CADM3: variants seen among roughly 807,000 people sequenced by gnomAD.
CADM3 encodes TSLC1-like 1.
Under a neutral mutation model 44.9 loss-of-function variants are expected in CADM3, and 11 were observed. That is an observed-to-expected ratio of 0.25 (90% CI 0.15 to 0.41). CADM3 has a LOEUF of 0.41. Among genes scored for constraint, CADM3 ranks in the 10% least tolerant of loss-of-function variants. CADM3 has a pLI of 1.00. For missense variants in CADM3, 426 were observed against 512.0 expected, an observed-to-expected ratio of 0.83 and a Z score of 1.62; for synonymous variants, 207 against 205.2, an observed-to-expected ratio of 1.01 and a Z score of -0.08.
At chr1:159,199,975 G>A in intron 8 of CADM3, 99 bp downstream of exon 8, 1 of 1,444,526 alleles carries the variant, frequency 6.9e-7, no homozygotes, top group Non-Finnish European at 9.5e-7. Context: ...AGGGCCTTCA[G>A]AGACTTGTCA....
chr1:159,176,643 C>T (rs1188019658), intron 1 of CADM3, among the ~76,000 whole-genome samples: 1 of 152,150 alleles, frequency 6.6e-6, no homozygotes, highest in Non-Finnish European at 1.5e-5. Flanking sequence ...CCAATAACTA[C>T]CCAAGTAAAA....
intron 1 of CADM3, among the ~76,000 whole-genome samples, chr1:159,191,489 A>G (rs862989): frequency 0.33 from 49,762 of 152,088 alleles, 9,265 homozygotes; most frequent in East Asian, 0.5. Flanking sequence ...TAGTTTTAGG[A>G]TTATTAGTCA....
chr1:159,186,146 G>A (rs1169033699), intron 1 of CADM3, among the ~76,000 whole-genome samples: 1 of 152,176 alleles, frequency 6.6e-6, no homozygotes, highest in Non-Finnish European at 1.5e-5. Flanking sequence ...AACGGATGCA[G>A]AAAAACAAAG....
rs972220909 is a variant in CADM3, at chr1:159,199,658, C to T, written c.953-93C>T. On this transcript the variant is annotated intron_variant, in intron 7 of 8. Transcript: ENST00000368125. ...CATTTTCCTGATGTTAGTACCTGTTCCCTGCTGTGTAAGACTATTCATGGC... is the reference window on the plus strand; with the variant it reads ...CATTTTCCTGATGTTAGTACCTGTTTCCTGCTGTGTAAGACTATTCATGGC... The T allele has an allele frequency of 5.2e-6, 8 of 1,545,974 alleles. No individual in the cohort carries two copies. The African/African-American group carries it at 1.1e-4, about 21-fold the overall frequency.
In CADM3 at chr1:159,201,918, G is replaced by C. The variant is rs1260313913; in HGVS notation, c.*996G>C. 6.5e-6 allele frequency: 1 copy of C among 153,224 alleles called. No individual in the cohort carries two copies. Among genetic ancestry groups the C allele is most frequent in the East Asian group, 1.9e-4 (1 of 5,206 alleles). The allele number at this position is 153,224 out of a possible 1,614,324, so 9.5% of individuals were successfully genotyped here. On this transcript the variant is annotated 3_prime_UTR_variant, in exon 9 of 9. Coordinates refer to ENST00000368125, the MANE Select transcript of CADM3 (RefSeq NM_001127173.3). ...ACTTCTCCCTTCCCGGCCACCCTGT[G>C]CCCCCTTCCTGGTCCCAACGCCAGC... is the stretch of plus-strand genomic sequence containing the variant.
In CADM3 at chr1:159,196,522, A is replaced by G. The variant is rs1649900592; in HGVS notation, c.782+68A>G. 6 of 1,248,586 alleles carry G rather than the reference A, an allele frequency of 4.8e-6. 1 individual carries two copies. The South Asian group carries it at 6.3e-5, about 13-fold the overall frequency. The allele number at this position is 1,248,586 out of a possible 1,614,324, so 77.3% of individuals were successfully genotyped here. ...TCTCAGATTGCCTTCTTCACATAACAGCTCCTTCCTATCTCCTCTGTATTG... is the reference window on the plus strand; with the variant it reads ...TCTCAGATTGCCTTCTTCACATAACGGCTCCTTCCTATCTCCTCTGTATTG... On this transcript the variant is annotated intron_variant, in intron 6 of 8. Coordinates refer to ENST00000368125, the MANE Select transcript of CADM3 (RefSeq NM_001127173.3).
At chr1:159,185,922 C>T (rs1649400846) in intron 1 of CADM3, among the ~76,000 whole-genome samples, 1 of 152,150 alleles carries the variant, frequency 6.6e-6, no homozygotes, top group Non-Finnish European at 1.5e-5. Context: ...GGAGGAAAGT[C>T]AAACTTGCAG....
intron 5 of CADM3, chr1:159,194,275 G>A (rs541416955): frequency 5.1e-5 from 23 of 451,670 alleles, no homozygotes; most frequent in Middle Eastern, 5.8e-4. Flanking sequence ...TTAATTCTCC[G>A]TTGTTGTAGG....
chr1:159,181,143 T>A (rs1649218915), intron 1 of CADM3, among the ~76,000 whole-genome samples: 1 of 152,188 alleles, frequency 6.6e-6, no homozygotes, highest in African/African-American at 2.4e-5. Flanking sequence ...TGCGTTTGAC[T>A]CTGTTATGTT....
At chr1:159,192,557 C>T in intron 2 of CADM3, 21 bp from the exon 3 acceptor site, 2 of 1,614,144 alleles carry the variant, frequency 1.2e-6, no homozygotes, top group South Asian at 2.2e-5. Context: ...TCCTAGCTTT[C>T]CATTCTCTTG....
At chr1:159,185,769 C>A (rs1040509844) in intron 1 of CADM3, among the ~76,000 whole-genome samples, 1 of 152,264 alleles carries the variant, frequency 6.6e-6, no homozygotes, top group Non-Finnish European at 1.5e-5. Flanking sequence ...TTGAACCTAA[C>A]TCTTACAGTA....
chr1:159,188,413 C>A (rs1202432523), intron 1 of CADM3, among the ~76,000 whole-genome samples: 1 of 151,946 alleles, frequency 6.6e-6, no homozygotes, highest in Non-Finnish European at 1.5e-5. Flanking sequence ...GACCCTAAGC[C>A]CACGTCCCAC....
rs1302548321 is a variant in CADM3 at position 159,200,967 on chromosome 1, C to G, written c.*45C>G. On this transcript the variant is annotated 3_prime_UTR_variant, in exon 9 of 9. Coordinates refer to ENST00000368125, the MANE Select transcript of CADM3 (RefSeq NM_001127173.3). ...GCGCCCCCCAGGGGCCCTGTGGGGA[C>G]TGCTGGGGCCGTCACCAACCCGGAC... is the stretch of plus-strand genomic sequence containing the variant. The G allele has an allele frequency of 1.4e-6, 2 of 1,437,374 alleles. No individual in the cohort carries two copies. The highest frequency in any genetic ancestry group is 2.7e-5 in the South Asian group (2 of 75,172). The allele number at this position is 1,437,374 out of a possible 1,614,324, so 89.0% of individuals were successfully genotyped here. A position where few individuals can be genotyped will look rare whatever the true frequency, so the allele number is the denominator to read the frequency against.
intron 1 of CADM3, among the ~76,000 whole-genome samples, chr1:159,185,282 T>C (rs1307211987): frequency 1.3e-5 from 2 of 152,196 alleles, no homozygotes; most frequent in Non-Finnish European, 2.9e-5. Context: ...CATTTCCAAT[T>C]TGCTATACTG....
chr1:159,194,304 A>G (rs1649800770), intron 5 of CADM3: 1 of 336,708 alleles, frequency 3.0e-6, no homozygotes, highest in Admixed American at 4.4e-5. Flanking sequence ...CATAGACAAT[A>G]TGTAAACAAA....
chr1:159,184,711 C>T (rs146896469), intron 1 of CADM3, among the ~76,000 whole-genome samples: 32 of 152,332 alleles, frequency 2.1e-4, no homozygotes, highest in Admixed American at 2.1e-3. Context: ...ATAGACTTTC[C>T]ACTAAAGTTG....
At position 159,192,725 on chromosome 1, in the gene CADM3, T is replaced by C. The variant is rs1483551120; in HGVS notation, c.377T>C (p.Val126Ala). 6.2e-7 allele frequency: 1 copy of C among 1,611,958 alleles called. No homozygotes were observed. The highest frequency in any genetic ancestry group is 8.5e-7 in the Non-Finnish European group (1 of 1,178,734). ...CGAACTGCCAAGTCCCTCGTCACTG[T>C]GCTAGGTGAGACTCCCAAACCCCAG... Reference protein sequence around the residue: ...PVRTAKSLVTVLGIPQKPIIT... With the variant: ...PVRTAKSLVTALGIPQKPIIT... The change falls in exon 3 of 9, where the codon GTG becomes GCG. Residue 126 changes from valine (V) to alanine (A), a missense_variant. By Grantham distance (64) the Val-to-Ala change is moderately conservative. Transcript: ENST00000368125.
At chr1:159,180,143 G>A (rs1649174022) in intron 1 of CADM3, among the ~76,000 whole-genome samples, 3 of 152,128 alleles carry the variant, frequency 2.0e-5, no homozygotes, top group African/African-American at 7.2e-5. Flanking sequence ...GAGAGAGCCT[G>A]AATTCTGCTT....
Position 159,196,541 on chromosome 1 carries a change from T to C in CADM3, c.782+87T>C, listed in dbSNP as rs147402145. 1,599 of 1,051,630 alleles carry C rather than the reference T, an allele frequency of 1.5e-3. 3 individuals carry two copies. The highest frequency in any genetic ancestry group is 1.8e-3 in the Non-Finnish European group (1,225 of 693,970). The allele number at this position is 1,051,630 out of a possible 1,614,324, so 65.1% of individuals were successfully genotyped here. ...CATAACAGCTCCTTCCTATCTCCTC[T>C]GTATTGTCTGACCTGAGCCTCTCAT... On this transcript the variant is annotated intron_variant, in intron 6 of 8. Coordinates refer to ENST00000368125, the MANE Select transcript of CADM3 (RefSeq NM_001127173.3).
Sources: gnomAD v4.1 joint callset for allele counts (sites outside exome capture counted in the v4.1 genomes callset) on GRCh38, gnomAD v4.1.1 for gene constraint, MANE v1.5 for transcripts, NCBI Gene and HGNC (gene_info 2026-07-23, HGNC 2026-07-21) for gene names.